DPYD: variants seen among roughly 807,000 people sequenced by gnomAD.
The protein encoded by DPYD is dihydropyrimidine dehydrogenase [NADP(+)].
DPYD carries 109 observed loss-of-function variants against 116.2 expected under a neutral mutation model. The ratio of observed to expected loss-of-function variants is 0.94; its 90% CI spans 0.80 to 1.10. The LOEUF (loss-of-function observed/expected upper bound fraction) is 1.10. DPYD is among the 50% of genes least tolerant of loss of function. The pLI is 0.00. For missense variants in DPYD, 1,302 were observed against 1,254.5 expected, an observed-to-expected ratio of 1.04 and a Z score of -0.57; for synonymous variants, 440 against 432.0, an observed-to-expected ratio of 1.02 and a Z score of -0.23.
chr1:97,580,216 G>C lies in DPYD; in HGVS notation c.1129-6246C>G, dbSNP rs547874042. Among the ~76,000 whole-genome samples, 5 of 152,324 alleles carry C rather than the reference G, an allele frequency of 3.3e-5. No individual in the cohort carries two copies. In the East Asian group the frequency reaches 7.7e-4, roughly 23 times the overall value. On this transcript the variant is annotated intron_variant, in intron 10 of 22. Transcript: ENST00000370192. ...TAACTTCTAATAAGCCAAAGTTTGAGAAGCAATATGAAGAAACAACATTCT... is the reference window on the plus strand; with the variant it reads ...TAACTTCTAATAAGCCAAAGTTTGACAAGCAATATGAAGAAACAACATTCT...
At chr1:97,804,151 C>T (rs1208497663) in intron 3 of DPYD, among the ~76,000 whole-genome samples, 1 of 151,566 alleles carries the variant, frequency 6.6e-6, no homozygotes, top group East Asian at 1.9e-4. Context: ...GACCCTTATT[C>T]TCATTTGTTA....
chr1:97,885,781 T>A (rs1672456797), intron 1 of DPYD, among the ~76,000 whole-genome samples: 1 of 152,098 alleles, frequency 6.6e-6, no homozygotes, highest in Non-Finnish European at 1.5e-5. Flanking sequence ...AGTATGGGAC[T>A]TATATTGAAC....
At chr1:97,100,730 T>G (rs1054556173) in intron 20 of DPYD, among the ~76,000 whole-genome samples, 1 of 152,110 alleles carries the variant, frequency 6.6e-6, no homozygotes, top group Non-Finnish European at 1.5e-5. Context: ...TTTATCCAAA[T>G]GCAGACAATG....
At chr1:97,521,417 CACAA>C (rs1230539586) in intron 12 of DPYD, among the ~76,000 whole-genome samples, 1 of 152,106 alleles carries the variant, frequency 6.6e-6, no homozygotes, top group Non-Finnish European at 1.5e-5. Flanking sequence ...TAAGAGAGGA[CACAA>C]ACAAATGGAA....
intron 11 of DPYD, among the ~76,000 whole-genome samples, chr1:97,555,710 T>G (rs1176464790): frequency 6.6e-6 from 1 of 152,070 alleles, no homozygotes; most frequent in Non-Finnish European, 1.5e-5. Flanking sequence ...ACCTACTGGA[T>G]CTATACCTTC....
At chr1:97,631,849 T>C (rs1571093755) in intron 8 of DPYD, among the ~76,000 whole-genome samples, 1 of 152,078 alleles carries the variant, frequency 6.6e-6, no homozygotes, top group East Asian at 1.9e-4. Flanking sequence ...AACAGATGCA[T>C]AAAAATAATA....
intron 8 of DPYD, among the ~76,000 whole-genome samples, chr1:97,627,430 T>C (rs1656994964): frequency 6.6e-6 from 1 of 152,092 alleles, no homozygotes; most frequent in South Asian, 2.1e-4. Context: ...CAGTGTTCCA[T>C]TGTGCACTGA....
chr1:97,135,453 T>C (rs1653714151), intron 20 of DPYD, among the ~76,000 whole-genome samples: 1 of 152,166 alleles, frequency 6.6e-6, no homozygotes, highest in South Asian at 2.1e-4. Context: ...AAACATGATG[T>C]CCTGTTTTAA....
chr1:97,510,106 CA>C (rs372370946), intron 13 of DPYD, among the ~76,000 whole-genome samples: 5 of 150,838 alleles, frequency 3.3e-5, no homozygotes, highest in South Asian at 2.1e-4. Context: ...AACAAACAAA[CA>C]AACAACAACA....
At chr1:97,269,619 G>C (rs1251092941) in intron 18 of DPYD, among the ~76,000 whole-genome samples, 1 of 152,106 alleles carries the variant, frequency 6.6e-6, no homozygotes, top group Non-Finnish European at 1.5e-5. Flanking sequence ...GGTGCTGGCT[G>C]ATTCAGTTCC....
chr1:97,134,014 AAT>A (rs1165027630), intron 20 of DPYD, among the ~76,000 whole-genome samples: 93 of 18,792 alleles, frequency 4.9e-3, no homozygotes, highest in Non-Finnish European at 6.6e-3. Flanking sequence ...AAAAAAAAAA[AAT>A]ATATATATAT....
At chr1:97,530,647 G>A (rs1383621785) in intron 12 of DPYD, among the ~76,000 whole-genome samples, 1 of 152,182 alleles carries the variant, frequency 6.6e-6, no homozygotes, top group Non-Finnish European at 1.5e-5. Context: ...ATACCCAGAA[G>A]TGGGACTGTT....
intron 12 of DPYD, among the ~76,000 whole-genome samples, chr1:97,544,198 T>C (rs1263175520): frequency 6.6e-6 from 1 of 152,132 alleles, no homozygotes; most frequent in Non-Finnish European, 1.5e-5. Context: ...AGAGAGGTGA[T>C]AGAGGCCAGA....
At chr1:97,572,204 A>AGTC (rs1652949876) in intron 11 of DPYD, among the ~76,000 whole-genome samples, 1 of 152,026 alleles carries the variant, frequency 6.6e-6, no homozygotes, top group Non-Finnish European at 1.5e-5. Context: ...TAAAATGCAT[A>AGTC]AATTCTGAAA....
At chr1:97,187,018 C>T (rs907519550) in intron 20 of DPYD, among the ~76,000 whole-genome samples, 26 of 152,000 alleles carry the variant, frequency 1.7e-4, no homozygotes, top group African/African-American at 6.3e-4. Flanking sequence ...TCTTTGCTAT[C>T]GTGAATAGTG....
At chr1:97,156,262 G>A (rs1199004377) in intron 20 of DPYD, among the ~76,000 whole-genome samples, 1 of 151,968 alleles carries the variant, frequency 6.6e-6, no homozygotes, top group Non-Finnish European at 1.5e-5. Context: ...TTAGCCTCCA[G>A]GGTTCCATTC....
intron 12 of DPYD, among the ~76,000 whole-genome samples, chr1:97,547,320 A>G (rs1650972920): frequency 6.6e-6 from 1 of 152,152 alleles, no homozygotes; most frequent in African/African-American, 2.4e-5. Context: ...GAAGGAGGCA[A>G]AGTAGGGAAC....
chr1:97,462,513 T>C (rs1161980241), intron 13 of DPYD, among the ~76,000 whole-genome samples: 1 of 152,088 alleles, frequency 6.6e-6, no homozygotes, highest in Non-Finnish European at 1.5e-5. Context: ...CAGACCATGA[T>C]GGGAAGGTGG....
At chr1:97,383,833 T>C (rs1049283085) in intron 14 of DPYD, among the ~76,000 whole-genome samples, 1 of 152,062 alleles carries the variant, frequency 6.6e-6, no homozygotes. Flanking sequence ...TGAGGCTGGG[T>C]GCAGTAGCTC....
Sources: gnomAD v4.1 joint callset for allele counts (sites outside exome capture counted in the v4.1 genomes callset) on GRCh38, gnomAD v4.1.1 for gene constraint, MANE v1.5 for transcripts, NCBI Gene and HGNC (gene_info 2026-07-23, HGNC 2026-07-21) for gene names.